The following RB1CC1 variants were observed in gnomAD, a reference collection of about 807,000 sequenced individuals.
RB1CC1 encodes the protein RB1 inducible coiled-coil 1, also known as RB1-inducible coiled-coil protein 1.
RB1CC1 carries 46 observed loss-of-function variants against 177.5 expected under a neutral mutation model. The observed-to-expected ratio is 0.26, with a 90% CI of 0.20 to 0.33. The LOEUF (loss-of-function observed/expected upper bound fraction) is 0.33. Among genes scored for constraint, RB1CC1 ranks in the 10% least tolerant of loss-of-function variants. RB1CC1 has a pLI of 1.00. For missense variants in RB1CC1, 1,703 were observed against 1,816.3 expected, an observed-to-expected ratio of 0.94 and a Z score of 1.13; for synonymous variants, 666 against 613.6, an observed-to-expected ratio of 1.09 and a Z score of -1.26.
intron 1 of RB1CC1, among the ~76,000 whole-genome samples, chr8:52,707,432 C>CT (rs386412758): frequency 0.23 from 29,793 of 128,748 alleles, 3,602 homozygotes; most frequent in Admixed American, 0.28. Context: ...TTCTTTCTTT[C>CT]TTTTTTTTTT....
At chr8:52,691,232 G>T (rs1057134009) in intron 1 of RB1CC1, among the ~76,000 whole-genome samples, 2 of 152,072 alleles carry the variant, frequency 1.3e-5, no homozygotes, top group African/African-American at 2.4e-5. Flanking sequence ...TTTAGAAATC[G>T]TTAGAGTATA....
chr8:52,699,524 T>C (rs1474619274), intron 1 of RB1CC1, among the ~76,000 whole-genome samples: 2 of 150,788 alleles, frequency 1.3e-5, no homozygotes, highest in Non-Finnish European at 2.9e-5. Flanking sequence ...ATTATAAAAA[T>C]ACAGCCGGGC....
intron 1 of RB1CC1, among the ~76,000 whole-genome samples, chr8:52,701,072 T>C (rs1856007984): frequency 6.6e-6 from 1 of 152,222 alleles, no homozygotes; most frequent in South Asian, 2.1e-4. Flanking sequence ...AACTGGTCTC[T>C]TTCTCAAATG....
At chr8:52,652,331 T>C (rs1850669752) in intron 15 of RB1CC1, among the ~76,000 whole-genome samples, 1 of 151,830 alleles carries the variant, frequency 6.6e-6, no homozygotes, top group African/African-American at 2.4e-5. Context: ...CTGGGCGTGG[T>C]GTCACGCACC....
chr8:52,664,864 T>C (rs972051046), intron 8 of RB1CC1, among the ~76,000 whole-genome samples: 1 of 152,188 alleles, frequency 6.6e-6, no homozygotes, highest in African/African-American at 2.4e-5. Flanking sequence ...GCAATAAATA[T>C]CTTTTTATAT....
chr8:52,626,765 T>G (rs1452233580), intron 22 of RB1CC1, among the ~76,000 whole-genome samples: 4 of 152,318 alleles, frequency 2.6e-5, no homozygotes, highest in Admixed American at 2.0e-4. Flanking sequence ...GATTACTGTT[T>G]CATGGATACT....
chr8:52,634,869 T>C lies in RB1CC1; in HGVS notation c.4440+52A>G, dbSNP rs1420991178. The stretch of plus-strand genomic sequence containing the variant: ...GGAATATCTTCATAATGAAATATAA[T>C]GCAAATCATTTAAAAATGTTAAGAC... On this transcript the variant is annotated intron_variant, in intron 20 of 23. Transcript: ENST00000025008. 4.8e-5 allele frequency: 67 copies of C among 1,401,584 alleles called. 1 individual carries two copies. In the Admixed American group the frequency reaches 9.5e-4, roughly 20 times the overall value. 86.8% of individuals were successfully genotyped at this position (1,401,584 alleles called of 1,614,324 possible). A position where few individuals can be genotyped will look rare whatever the true frequency, so the allele number is the denominator to read the frequency against.
At chr8:52,696,917 T>G (rs940378664) in intron 1 of RB1CC1, among the ~76,000 whole-genome samples, 1 of 152,048 alleles carries the variant, frequency 6.6e-6, no homozygotes, top group Admixed American at 6.6e-5. Flanking sequence ...GTGGGAGGAT[T>G]GTTTCAGCCT....
chr8:52,645,572 T>C (rs1380538121), intron 16 of RB1CC1, 130 bp downstream of exon 16: 2 of 970,362 alleles, frequency 2.1e-6, no homozygotes, highest in Non-Finnish European at 2.9e-6. Context: ...AGGAAATTTA[T>C]TAACAGGATC....
rs140689544 is a variant in RB1CC1, at chr8:52,657,192, G to A, written c.2637C>T (p.Asp879=). The change falls in exon 15 of 24, where the codon GAC becomes GAT. Residue 879 remains aspartate (D), a synonymous_variant. Coordinates refer to ENST00000025008, the MANE Select transcript of RB1CC1 (RefSeq NM_014781.5). The stretch of plus-strand genomic sequence containing the variant: ...TCTCTTCAGTTTCCTTTATTAGTCC[G>A]TCAAGTTTACCTTCATATTCATTTT... ...SLKNEYEGKL[D]GLIKETEENE... 3.3e-4 allele frequency: 526 copies of A among 1,601,392 alleles called. 1 individual carries two copies. In the African/African-American group the frequency reaches 5.4e-3, roughly 17 times the overall value.
In RB1CC1 at chr8:52,623,774, T is replaced by A; in HGVS notation, c.*8A>T. On this transcript the variant is annotated 3_prime_UTR_variant, in exon 24 of 24. Coordinates refer to ENST00000025008, the MANE Select transcript of RB1CC1 (RefSeq NM_014781.5). ...AATGTCATAGAATGTATTAATTTTG[T>A]CCATAAGTTATACTTTCTTATTCCA... 6.4e-7 allele frequency: 1 copy of A among 1,573,230 alleles called. No individual in the cohort carries two copies. The highest frequency in any genetic ancestry group is 8.7e-7 in the Non-Finnish European group (1 of 1,143,422).
intron 15 of RB1CC1, among the ~76,000 whole-genome samples, chr8:52,648,841 C>T (rs918401437): frequency 6.6e-6 from 1 of 152,070 alleles, no homozygotes; most frequent in African/African-American, 2.4e-5. Context: ...TTCACTTAAA[C>T]GAAGCACTTC....
At chr8:52,669,917 G>A (rs1242778768) in intron 7 of RB1CC1, among the ~76,000 whole-genome samples, 1 of 152,056 alleles carries the variant, frequency 6.6e-6, no homozygotes, top group Non-Finnish European at 1.5e-5. Context: ...ACATAGGAGA[G>A]TATTTTATGA....
chr8:52,624,244 T>C (rs1041130461), intron 23 of RB1CC1, among the ~76,000 whole-genome samples: 7 of 151,862 alleles, frequency 4.6e-5, no homozygotes, highest in Non-Finnish European at 7.4e-5. Flanking sequence ...TTATAGTGAG[T>C]CAGGAAGAAT....
intron 7 of RB1CC1, among the ~76,000 whole-genome samples, chr8:52,671,242 C>T (rs1451102089): frequency 6.6e-6 from 1 of 152,100 alleles, no homozygotes; most frequent in East Asian, 1.9e-4. Context: ...CGACTAATTT[C>T]CTGAGAAAGA....
intron 1 of RB1CC1, among the ~76,000 whole-genome samples, chr8:52,713,101 A>G (rs957003329): frequency 2.0e-5 from 3 of 152,230 alleles, no homozygotes; most frequent in South Asian, 2.1e-4. Context: ...ACCAAAACAC[A>G]AAAACTTAAG....
chr8:52,653,118 G>C (rs573944951), intron 15 of RB1CC1, among the ~76,000 whole-genome samples: 1 of 152,218 alleles, frequency 6.6e-6, no homozygotes, highest in Non-Finnish European at 1.5e-5. Flanking sequence ...GATCTACAAG[G>C]AAGGCATCCA....
At chr8:52,707,187 G>A (rs1280706666) in intron 1 of RB1CC1, among the ~76,000 whole-genome samples, 1 of 152,106 alleles carries the variant, frequency 6.6e-6, no homozygotes, top group Non-Finnish European at 1.5e-5. Context: ...AAACCATAAA[G>A]TGAAATACAA....
At position 52,623,736 on chromosome 8, in the gene RB1CC1, C is replaced by T; in HGVS notation, c.*46G>A. Reference sequence around the variant, plus strand: ...GGAGTGATGAATGAGCACTGCAGGACAAATCAGAAAAAAATGTCATAGAAT... The same window carrying T: ...GGAGTGATGAATGAGCACTGCAGGATAAATCAGAAAAAAATGTCATAGAAT... On this transcript the variant is annotated 3_prime_UTR_variant, in exon 24 of 24. Transcript: ENST00000025008. The T allele has an allele frequency of 7.0e-7, 1 of 1,431,370 alleles. No individual in the cohort carries two copies. Among genetic ancestry groups the T allele is most frequent in the Non-Finnish European group, 9.8e-7 (1 of 1,016,872 alleles). The allele number at this position is 1,431,370 out of a possible 1,614,324, so 88.7% of individuals were successfully genotyped here.
Sources: allele counts gnomAD v4.1 joint callset (sites outside exome capture counted in the v4.1 genomes callset), GRCh38; gene constraint gnomAD v4.1.1; transcripts MANE v1.5; gene names NCBI Gene and HGNC (gene_info 2026-07-23, HGNC 2026-07-21).